DCT: variants seen among roughly 807,000 people sequenced by gnomAD.
DCT encodes L-dopachrome tautomerase.
Under a neutral mutation model 53.0 loss-of-function variants are expected in DCT, and 47 were observed. The ratio of observed to expected loss-of-function variants is 0.89; its 90% CI spans 0.70 to 1.13. The LOEUF (loss-of-function observed/expected upper bound fraction) is 1.13, where lower values mean the gene tolerates loss of function less well. Ranked by LOEUF, DCT falls within the 50% of genes most tolerant of loss-of-function variation. DCT has a pLI of 0.00. For synonymous variants in DCT, 244 were observed against 237.0 expected (o/e 1.03, Z -0.27); for missense variants, 669 against 637.4 (o/e 1.05, Z -0.53).
the DCT span, among the ~76,000 whole-genome samples, chr13:94,505,992 G>A: frequency 6.6e-6 from 1 of 152,142 alleles, no homozygotes; most frequent in African/African-American, 2.4e-5. Flanking sequence ...TAGAAATGCT[G>A]GAGTTGAGAA....
chr13:94,453,365 G>C (rs1004081014), intron 6 of DCT, among the ~76,000 whole-genome samples: 1 of 151,720 alleles, frequency 6.6e-6, no homozygotes, highest in Non-Finnish European at 1.5e-5. Context: ...GGAATTACAG[G>C]CATTTAAAAA....
the DCT span, among the ~76,000 whole-genome samples, chr13:94,510,830 CTCCTGGT>C: frequency 6.6e-6 from 1 of 152,206 alleles, no homozygotes; most frequent in Non-Finnish European, 1.5e-5. Flanking sequence ...GGCTCTTCCT[CTCCTGGT>C]GCTGCCTGTG....
the DCT span, among the ~76,000 whole-genome samples, chr13:94,517,200 C>G: frequency 1.3e-5 from 2 of 152,302 alleles, no homozygotes; most frequent in Non-Finnish European, 2.9e-5. Context: ...CCAACAACAT[C>G]GTTTCATTTC....
the DCT span, among the ~76,000 whole-genome samples, chr13:94,502,889 C>T: frequency 6.6e-6 from 1 of 152,158 alleles, no homozygotes; most frequent in South Asian, 2.1e-4. Flanking sequence ...CAGGTCCCCA[C>T]CTTTCTGTGA....
At chr13:94,501,850 C>T in the DCT span, among the ~76,000 whole-genome samples, 8 of 152,134 alleles carry the variant, frequency 5.3e-5, no homozygotes, top group Admixed American at 3.3e-4. Context: ...GAGCAGAGAC[C>T]ATGTCAGGAA....
At chr13:94,519,443 G>A in the DCT span, among the ~76,000 whole-genome samples, 2 of 152,058 alleles carry the variant, frequency 1.3e-5, no homozygotes, top group Non-Finnish European at 2.9e-5. Flanking sequence ...GTTTGCATTT[G>A]GATACTTGTT....
At chr13:94,520,661 A>G in the DCT span, among the ~76,000 whole-genome samples, 3 of 152,184 alleles carry the variant, frequency 2.0e-5, no homozygotes, top group Non-Finnish European at 2.9e-5. Context: ...AGGTAAATAC[A>G]GAGGCTTTAA....
the DCT span, among the ~76,000 whole-genome samples, chr13:94,527,760 A>G: frequency 6.6e-6 from 1 of 152,236 alleles, no homozygotes; most frequent in African/African-American, 2.4e-5. Flanking sequence ...CTCGCCAGCA[A>G]GGGAACAAAA....
At chr13:94,440,694 T>TTC (rs1882236160) in intron 7 of DCT, among the ~76,000 whole-genome samples, 1 of 147,936 alleles carries the variant, frequency 6.8e-6, no homozygotes, top group African/African-American at 2.5e-5. Context: ...TTTTTTTTTT[T>TTC]TTTTTAGATA....
the DCT span, among the ~76,000 whole-genome samples, chr13:94,505,220 C>T: frequency 9.5e-4 from 143 of 150,788 alleles, 1 homozygote; most frequent in African/African-American, 2.9e-3. Flanking sequence ...TCTTGACACA[C>T]GCATTTTATC....
At chr13:94,505,958 C>T in the DCT span, among the ~76,000 whole-genome samples, 3 of 152,242 alleles carry the variant, frequency 2.0e-5, no homozygotes, top group South Asian at 4.2e-4. Flanking sequence ...TTACTACAGC[C>T]CAGCTGACTT....
the DCT span, among the ~76,000 whole-genome samples, chr13:94,524,850 G>C: frequency 2.3e-4 from 35 of 152,088 alleles, no homozygotes; most frequent in Admixed American, 2.2e-3. Context: ...AGGTCACAAG[G>C]GCGGGCCCTA....
At chr13:94,501,110 C>CA in the DCT span, among the ~76,000 whole-genome samples, 27 of 150,880 alleles carry the variant, frequency 1.8e-4, no homozygotes, top group East Asian at 1.4e-3. Flanking sequence ...ACTAAAAATA[C>CA]AAAAAAAAAT....
the DCT span, among the ~76,000 whole-genome samples, chr13:94,488,046 C>T: frequency 6.6e-6 from 1 of 152,006 alleles, no homozygotes; most frequent in East Asian, 1.9e-4. Context: ...TCAGATTTTG[C>T]ATCATTTATC....
rs1882152378 is a variant in DCT at position 94,439,867 on chromosome 13, A to G, written c.*31T>C. On this transcript the variant is annotated 3_prime_UTR_variant, in exon 8 of 8. Transcript: ENST00000377028. ...TCAGCGTCAGAACTGTGGCTTGGCCAGCCTCTTCTCTTAGGTAAGGCATGA... is the reference window on the plus strand; with the variant it reads ...TCAGCGTCAGAACTGTGGCTTGGCCGGCCTCTTCTCTTAGGTAAGGCATGA... 1 of 1,572,528 alleles carries G rather than the reference A, an allele frequency of 6.4e-7. No homozygotes were observed. Among genetic ancestry groups the G allele is most frequent in the Non-Finnish European group, 8.7e-7 (1 of 1,155,536 alleles).
At chr13:94,501,146 G>A in the DCT span, among the ~76,000 whole-genome samples, 1 of 152,150 alleles carries the variant, frequency 6.6e-6, no homozygotes, top group Non-Finnish European at 1.5e-5. Context: ...GCGGGCACCT[G>A]CAGTCCCAGC....
rs556558491 is a variant in DCT at position 94,438,905 on chromosome 13, C to T, written c.*993G>A. ...TCAATGCTTAAAAATAAGCCCAGTG[C>T]ATTATGTGGGAATAATTTTTCATCT... On this transcript the variant is annotated 3_prime_UTR_variant, in exon 8 of 8. Coordinates refer to ENST00000377028, the MANE Select transcript of DCT (RefSeq NM_001922.5). 2.0e-4 allele frequency: 43 copies of T among 220,430 alleles called. No individual in the cohort carries two copies. The highest frequency in any genetic ancestry group is 3.4e-4 in the Non-Finnish European group (37 of 108,498). The allele number at this position is 220,430 out of a possible 1,614,324, so 13.7% of individuals were successfully genotyped here.
the DCT span, among the ~76,000 whole-genome samples, chr13:94,527,066 G>A: frequency 6.6e-6 from 1 of 152,178 alleles, no homozygotes; most frequent in Admixed American, 6.5e-5. Context: ...GCTTGACTGG[G>A]GAGGGGCGTC....
chr13:94,530,818 G>A, the DCT span, among the ~76,000 whole-genome samples: 1 of 152,042 alleles, frequency 6.6e-6, no homozygotes, highest in Non-Finnish European at 1.5e-5. Flanking sequence ...AGAAATAAAG[G>A]GTATTCAATT....
Sources: allele counts gnomAD v4.1 joint callset (sites outside exome capture counted in the v4.1 genomes callset), GRCh38; gene constraint gnomAD v4.1.1; transcripts MANE v1.5; gene names NCBI Gene and HGNC (gene_info 2026-07-23, HGNC 2026-07-21).